The following SYT7 variants were observed in gnomAD, a reference collection of about 807,000 sequenced individuals.
The protein encoded by SYT7 is synaptotagmin-7.
SYT7 carries 29 observed loss-of-function variants against 75.1 expected under a neutral mutation model. The ratio of observed to expected loss-of-function variants is 0.39; its 90% CI spans 0.29 to 0.53. The LOEUF (loss-of-function observed/expected upper bound fraction) is 0.53, where lower values mean the gene tolerates loss of function less well. SYT7 is among the 20% of genes least tolerant of loss of function. The pLI, the probability that SYT7 is intolerant of heterozygous loss-of-function variation, is 0.77. For missense variants in SYT7, 693 were observed against 953.2 expected (o/e 0.73, Z 3.59); for synonymous variants, 376 against 401.7 (o/e 0.94, Z 0.76).
chr11:61,562,147 G>A (rs1389888911), intron 1 of SYT7, among the ~76,000 whole-genome samples: 1 of 152,054 alleles, frequency 6.6e-6, no homozygotes, highest in African/African-American at 2.4e-5. Flanking sequence ...ACAAACTCCT[G>A]ATTTTTTTAG....
Position 61,524,741 on chromosome 11 carries a change from C to A in SYT7, c.1472-209G>T. 2 of 516,640 alleles carry A rather than the reference C, an allele frequency of 3.9e-6. No individual in the cohort carries two copies. The highest frequency in any genetic ancestry group is 6.8e-6 in the Non-Finnish European group (2 of 294,380). 32.0% of individuals were successfully genotyped at this position (516,640 alleles called of 1,614,324 possible). ...CTCATGGGATTCCCTCAACAATTCT[C>A]CAAGGTGAATGGCATCTCGTCCATC... On this transcript the variant is annotated intron_variant, in intron 9 of 12. Transcript: ENST00000539008. The surrounding 1 kb of genome is among the most constrained non-coding windows in gnomAD (Gnocchi z 4.1).
the SYT7 span, among the ~76,000 whole-genome samples, chr11:61,587,188 C>T: frequency 6.6e-6 from 1 of 152,186 alleles, no homozygotes; most frequent in Non-Finnish European, 1.5e-5. Context: ...CCAGGGGTGG[C>T]CTAGTTAATG....
chr11:61,557,785 G>C (rs1290815425), intron 1 of SYT7, among the ~76,000 whole-genome samples: 1 of 152,228 alleles, frequency 6.6e-6, no homozygotes, highest in African/African-American at 2.4e-5. Flanking sequence ...CAATCACCAA[G>C]GTCCTGCCCC....
At position 61,546,514 on chromosome 11, in the gene SYT7, G is replaced by T; in HGVS notation, c.348-259C>A. 1 of 524,450 alleles carries T rather than the reference G, an allele frequency of 1.9e-6. No homozygotes were observed. Among genetic ancestry groups the T allele is most frequent in the Non-Finnish European group, 3.5e-6 (1 of 286,250 alleles). 32.5% of individuals were successfully genotyped at this position (524,450 alleles called of 1,614,324 possible). A position where few individuals can be genotyped will look rare whatever the true frequency, so the allele number is the denominator to read the frequency against. On this transcript the variant is annotated intron_variant, in intron 4 of 12. Transcript: ENST00000539008. The surrounding 1 kb of genome is among the most constrained non-coding windows in gnomAD (Gnocchi z 7.6). The stretch of plus-strand genomic sequence containing the variant: ...AGGAGAGAGGGGGACCGGGCGGGCT[G>T]GGGGTCGGAGAACAACGCACCACGA...
intron 1 of SYT7, among the ~76,000 whole-genome samples, chr11:61,570,944 T>G (rs1229860880): frequency 6.6e-6 from 1 of 152,142 alleles, no homozygotes; most frequent in Non-Finnish European, 1.5e-5. Flanking sequence ...CAGTTCTAGG[T>G]GGTTTACAGA....
At chr11:61,528,342 C>G (rs1318907772) in intron 8 of SYT7, among the ~76,000 whole-genome samples, 157 bp from the exon 9 acceptor site, 1 of 152,162 alleles carries the variant, frequency 6.6e-6, no homozygotes, top group Non-Finnish European at 1.5e-5. Flanking sequence ...GTGCCTTGAC[C>G]AGGGTCTCCC....
At position 61,523,985 on chromosome 11, in the gene SYT7, A is replaced by T. The variant is rs1239608585; in HGVS notation, c.1642-44T>A. 1 of 1,579,730 alleles carries T rather than the reference A, an allele frequency of 6.3e-7. No individual in the cohort carries two copies. The highest frequency in any genetic ancestry group is 1.1e-5 in the South Asian group (1 of 90,208). Reference sequence around the variant, plus strand: ...GGGGTGTGGGGAACTAGGCTAGCAGAGCTCTCTGATTGGCCTAGCTGCCCC... The same window carrying T: ...GGGGTGTGGGGAACTAGGCTAGCAGTGCTCTCTGATTGGCCTAGCTGCCCC... On this transcript the variant is annotated intron_variant, in intron 10 of 12. Coordinates refer to ENST00000539008, the MANE Select transcript of SYT7 (RefSeq NM_001365809.2). This position sits in a 1 kb window ranked among gnomAD's most constrained non-coding sequence, Gnocchi z 5.0.
intron 9 of SYT7, among the ~76,000 whole-genome samples, chr11:61,527,339 T>C (rs1200057230): frequency 2.0e-5 from 3 of 152,202 alleles, no homozygotes; most frequent in Non-Finnish European, 2.9e-5. Context: ...CTCGCTGTTA[T>C]TATCTCTATT....
At chr11:61,575,039 C>T (rs2064032018) in intron 1 of SYT7, among the ~76,000 whole-genome samples, 1 of 151,960 alleles carries the variant, frequency 6.6e-6, no homozygotes, top group Non-Finnish European at 1.5e-5. Flanking sequence ...CTAGGACTAA[C>T]AGGTAGGCAC....
chr11:61,543,223 T>G (rs1438113467), intron 5 of SYT7, among the ~76,000 whole-genome samples: 2 of 152,210 alleles, frequency 1.3e-5, no homozygotes, highest in African/African-American at 4.8e-5. Context: ...TGCCCTCTTT[T>G]CAGGGTTCTT....
chr11:61,557,852 A>G (rs563717141), intron 1 of SYT7, among the ~76,000 whole-genome samples: 3 of 152,334 alleles, frequency 2.0e-5, no homozygotes, highest in Admixed American at 1.3e-4. Flanking sequence ...CACATTTGTC[A>G]AAGTTCTCAG....
intron 1 of SYT7, among the ~76,000 whole-genome samples, chr11:61,558,534 A>ACACACACACACACACACACC (rs1160624168): frequency 6.8e-6 from 1 of 148,048 alleles, no homozygotes; most frequent in African/African-American, 2.6e-5. Flanking sequence ...ACACACACAC[A>ACACACACACACACACACACC]CATATATATA....
chr11:61,519,215 G>A (rs1478742357), intron 12 of SYT7, among the ~76,000 whole-genome samples: 2 of 152,228 alleles, frequency 1.3e-5, no homozygotes, highest in Admixed American at 6.5e-5. Context: ...GGGAAACTAA[G>A]GTACGAAGAG....
intron 1 of SYT7, among the ~76,000 whole-genome samples, chr11:61,565,197 C>T (rs1217029668): frequency 6.6e-6 from 1 of 152,246 alleles, no homozygotes; most frequent in African/African-American, 2.4e-5. Context: ...ACAGTGAAAG[C>T]TGGAGTCACA....
chr11:61,527,994 G>A lies in SYT7; in HGVS notation c.1392C>T (p.Pro464=), dbSNP rs566204164. 17 of 1,614,154 alleles carry A rather than the reference G, an allele frequency of 1.1e-5. No individual in the cohort carries two copies. The highest frequency in any genetic ancestry group is 8.8e-5 in the South Asian group (8 of 91,074). Residue 464 remains proline, a synonymous_variant, in exon 9 of 13, where the codon CCC becomes CCT. Transcript: ENST00000539008. ...SDPFVKIYLL[P]DKKHKLETKV... is the part of the protein sequence containing the mutation. ...TGGTCTCCAGCTTGTGCTTCTTGTC[G>A]GGCAGCAGGTAGATCTTGACGAAGG...
Position 61,523,303 on chromosome 11 carries a change from G to C in SYT7, c.1757-29C>G. 6.2e-7 allele frequency: 1 copy of C among 1,600,972 alleles called. No individual in the cohort carries two copies. Among genetic ancestry groups the C allele is most frequent in the Non-Finnish European group, 8.6e-7 (1 of 1,168,194 alleles). On this transcript the variant is annotated intron_variant, in intron 11 of 12. Transcript: ENST00000539008. The surrounding 1 kb of genome is among the most constrained non-coding windows in gnomAD (Gnocchi z 5.0). ...GGGGAGGGAGTGGGGAAGGGTTAGA[G>C]GGACCGTGGGGGAGGGACTTCCTAG... is the stretch of plus-strand genomic sequence containing the variant.
intron 8 of SYT7, among the ~76,000 whole-genome samples, chr11:61,529,334 A>G (rs1229462042): frequency 6.6e-6 from 1 of 152,204 alleles, no homozygotes; most frequent in African/African-American, 2.4e-5. Flanking sequence ...TAATACAGAT[A>G]ATAATAATGC....
chr11:61,530,421 C>T (rs1314033607), intron 8 of SYT7, among the ~76,000 whole-genome samples: 1 of 152,182 alleles, frequency 6.6e-6, no homozygotes, highest in African/African-American at 2.4e-5. Flanking sequence ...CGCTCTTTTC[C>T]CTGCTCATGC....
At chr11:61,557,193 C>T (rs952640686) in intron 1 of SYT7, among the ~76,000 whole-genome samples, 1 of 152,196 alleles carries the variant, frequency 6.6e-6, no homozygotes, top group South Asian at 2.1e-4. Flanking sequence ...GACAAATTCT[C>T]ATGTGGGGCA....
Sources: allele counts gnomAD v4.1 joint callset (sites outside exome capture counted in the v4.1 genomes callset), GRCh38; gene constraint gnomAD v4.1.1; non-coding constraint Gnocchi (gnomAD v3.1); transcripts MANE v1.5; gene names NCBI Gene and HGNC (gene_info 2026-07-23, HGNC 2026-07-21).